ABL1: variants seen among roughly 807,000 people sequenced by gnomAD.
The protein encoded by ABL1 is tyrosine-protein kinase ABL1.
ABL1 carries 11 observed loss-of-function variants against 94.7 expected under a neutral mutation model. That is an observed-to-expected ratio of 0.12 (90% CI 0.07 to 0.19). The LOEUF is 0.19. ABL1 is among the 10% of genes least tolerant of loss of function. ABL1 has a pLI of 1.00. For synonymous variants in ABL1, 656 were observed against 622.4 expected, an observed-to-expected ratio of 1.05 and a Z score of -0.80; for missense variants, 1,082 against 1,489.4, an observed-to-expected ratio of 0.73 and a Z score of 4.50.
intron 1 of ABL1, among the ~76,000 whole-genome samples, chr9:130,767,552 C>G (rs188522924): frequency 6.6e-6 from 1 of 152,190 alleles, no homozygotes; most frequent in African/African-American, 2.4e-5. Flanking sequence ...AGGCTGGTCT[C>G]GAACTCCTGA....
In ABL1 at chr9:130,835,298, TGGGCGGGCGC is replaced by T. The variant is rs2132911825; in HGVS notation, c.-143_-134del. On this transcript the variant is annotated 5_prime_UTR_variant, in exon 1 of 11. The change abolishes the stop of an existing upstream ORF in the 5' untranslated region. Transcript: ENST00000318560. The surrounding 1 kb of genome is among the most constrained non-coding windows in gnomAD (Gnocchi z 4.6). ...CCAGGCGGAGACGCGGCCGCGGCCA[TGGGCGGGCGC>T]GGGCGCGCGGGGCGGCGGTGAGGGC... The T allele has an allele frequency of 7.7e-6, 1 of 129,142 alleles. No individual in the cohort carries two copies. Among genetic ancestry groups the T allele is most frequent in the African/African-American group, 3.6e-5 (1 of 27,898 alleles). 8.0% of individuals were successfully genotyped at this position (129,142 alleles called of 1,614,324 possible).
chr9:130,859,179 C>T (rs751889431), intron 3 of ABL1, among the ~76,000 whole-genome samples: 6 of 152,182 alleles, frequency 3.9e-5, no homozygotes, highest in Non-Finnish European at 7.3e-5. Context: ...TGAATGTGTC[C>T]ACACCTCATT....
At chr9:130,806,427 C>T (rs1830126294) in intron 1 of ABL1, among the ~76,000 whole-genome samples, 1 of 152,172 alleles carries the variant, frequency 6.6e-6, no homozygotes, top group East Asian at 1.9e-4. Context: ...GCTTGTATCC[C>T]AGAGAACTCC....
rs182341860 is a variant in ABL1, at chr9:130,791,305, C to T, written c.137-62759C>T. 9.9e-5 allele frequency among the ~76,000 whole-genome samples: 15 copies of T among 152,130 alleles called. No homozygotes were observed. In the East Asian group the frequency reaches 2.9e-3, roughly 29 times the overall value. On this transcript the variant is annotated intron_variant, in intron 1 of 10. Transcript: ENST00000372348. ...CTAGAATTGTGTAGCCATGAAACAGCCTTTAAATAATGAGAACGAAGTGAA... is the reference window on the plus strand; with the variant it reads ...CTAGAATTGTGTAGCCATGAAACAGTCTTTAAATAATGAGAACGAAGTGAA...
At chr9:130,844,834 T>C (rs1028704696) in intron 1 of ABL1, among the ~76,000 whole-genome samples, 1 of 152,226 alleles carries the variant, frequency 6.6e-6, no homozygotes, top group Non-Finnish European at 1.5e-5. Flanking sequence ...ACCTAGTTTC[T>C]ACCAGAGACA....
At chr9:130,794,281 C>T (rs1365289582) in intron 1 of ABL1, among the ~76,000 whole-genome samples, 1 of 152,040 alleles carries the variant, frequency 6.6e-6, no homozygotes, top group African/African-American at 2.4e-5. Context: ...TTTGTAACTG[C>T]CAGTAGGCAG....
At chr9:130,846,836 A>G (rs756315400) in intron 1 of ABL1, among the ~76,000 whole-genome samples, 1 of 152,184 alleles carries the variant, frequency 6.6e-6, no homozygotes, top group African/African-American at 2.4e-5. Context: ...TTTTGTAAAC[A>G]TTTTTCATCA....
At chr9:130,805,728 C>G (rs983164426) in intron 1 of ABL1, among the ~76,000 whole-genome samples, 2 of 152,164 alleles carry the variant, frequency 1.3e-5, no homozygotes, top group African/African-American at 2.4e-5. Flanking sequence ...GTCAGTTCAG[C>G]TGGTTTCAGT....
rs1253441029 is a variant in ABL1 at position 130,884,027 on chromosome 9, C to T, written c.1737C>T (p.Pro579=). ...TGCTCCCTCGAAAAGAGCGAGGTCC[C>T]CCGGAGGGCGGCCTGAATGAAGATG... ...SPLLPRKERG[P]PEGGLNEDER... Residue 579 remains proline (P), a synonymous_variant, in exon 11 of 11, where the codon CCC becomes CCT. Coordinates refer to ENST00000318560, the MANE Select transcript of ABL1 (RefSeq NM_005157.6). The surrounding 1 kb of genome is among the most constrained non-coding windows in gnomAD (Gnocchi z 5.6). 2 of 1,613,884 alleles carry T rather than the reference C, an allele frequency of 1.2e-6. No homozygotes were observed. Among genetic ancestry groups the T allele is most frequent in the South Asian group, 2.2e-5 (2 of 91,068 alleles).
chr9:130,798,966 C>CAAAAAAAAAAAAAAAA (rs71389357), intron 1 of ABL1, among the ~76,000 whole-genome samples: 8 of 66,828 alleles, frequency 1.2e-4, no homozygotes, highest in African/African-American at 1.6e-4. Context: ...GACTCCGTCT[C>CAAAAAAAAAAAAAAAA]AAAAAAAAAA....
At position 130,877,299 on chromosome 9, in the gene ABL1, T is replaced by C. The variant is rs143042318; in HGVS notation, c.1271-1116T>C. Among the ~76,000 whole-genome samples the C allele has an allele frequency of 4.0e-3, 587 of 148,596 alleles. 44 individuals are homozygous for C. Among genetic ancestry groups the C allele is most frequent in the Non-Finnish European group, 5.0e-3 (335 of 67,334 alleles). On this transcript the variant is annotated intron_variant, in intron 7 of 10. Transcript: ENST00000318560. ...TCACCCATTTCTCTAAGGAATCTTA[T>C]CCTTTAATGGGAAATGGAATTTTAA...
At chr9:130,802,107 TTTTG>T (rs1830063473) in intron 1 of ABL1, among the ~76,000 whole-genome samples, 1 of 151,096 alleles carries the variant, frequency 6.6e-6, no homozygotes, top group Non-Finnish European at 1.5e-5. Flanking sequence ...TTTTTTTTTT[TTTTG>T]AAATGGTCTC....
intron 3 of ABL1, among the ~76,000 whole-genome samples, chr9:130,858,521 A>G (rs1831010835): frequency 6.6e-6 from 1 of 152,096 alleles, no homozygotes; most frequent in Admixed American, 6.6e-5. Context: ...AGCGTCATCC[A>G]GCAGACCGTC....
intron 1 of ABL1, among the ~76,000 whole-genome samples, chr9:130,805,314 G>A (rs976071120): frequency 6.6e-6 from 1 of 152,084 alleles, no homozygotes; most frequent in South Asian, 2.1e-4. Flanking sequence ...TCCTGACCTC[G>A]TGATTCACCC....
At chr9:130,789,792 A>G (rs1320722463) in intron 1 of ABL1, among the ~76,000 whole-genome samples, 1 of 152,242 alleles carries the variant, frequency 6.6e-6, no homozygotes, top group Non-Finnish European at 1.5e-5. Flanking sequence ...AAATTTATGG[A>G]TTGGTTAAAT....
chr9:130,719,813 G>T (rs148866470), intron 1 of ABL1, among the ~76,000 whole-genome samples: 1 of 152,186 alleles, frequency 6.6e-6, no homozygotes, highest in Non-Finnish European at 1.5e-5. Context: ...AGCAGACATG[G>T]ATCTGGAAGC....
At chr9:130,757,695 C>A (rs147120251) in intron 1 of ABL1, among the ~76,000 whole-genome samples, 2,648 of 151,926 alleles carry the variant, frequency 0.017, 24 homozygotes, top group Non-Finnish European at 0.026. Flanking sequence ...CCCACCACCA[C>A]GCCCGGCTAA....
At chr9:130,813,874 A>C (rs1228732512) in intron 1 of ABL1, among the ~76,000 whole-genome samples, 1 of 152,232 alleles carries the variant, frequency 6.6e-6, no homozygotes, top group East Asian at 1.9e-4. Context: ...GATGTAACCC[A>C]ATTTTAAGTT....
chr9:130,869,065 G>A (rs981804786), intron 4 of ABL1, among the ~76,000 whole-genome samples: 23 of 152,052 alleles, frequency 1.5e-4, no homozygotes, highest in Non-Finnish European at 3.4e-4. Context: ...TACTCGGGAG[G>A]CTGAGGCAGG....
Sources: gnomAD v4.1 joint callset for allele counts (sites outside exome capture counted in the v4.1 genomes callset) on GRCh38, gnomAD v4.1.1 for gene constraint, Gnocchi (gnomAD v3.1) non-coding constraint, MANE v1.5 for transcripts, NCBI Gene and HGNC (gene_info 2026-07-23, HGNC 2026-07-21) for gene names.